The following FHIT variants were observed in gnomAD, a reference collection of about 807,000 sequenced individuals.
FHIT encodes fragile histidine triad diadenosine triphosphatase, also known as bis(5'-adenosyl)-triphosphatase.
FHIT carries 19 observed loss-of-function variants against 17.9 expected under a neutral mutation model. The observed-to-expected ratio is 1.06, with a 90% confidence interval of 0.74 to 1.56. The LOEUF (loss-of-function observed/expected upper bound fraction) is 1.56. Ranked by LOEUF, FHIT falls within the 40% of genes most tolerant of loss-of-function variation. The pLI, the probability that FHIT is intolerant of heterozygous loss-of-function variation, is 0.00. For missense variants in FHIT, 248 were observed against 189.2 expected (o/e 1.31, Z -1.82); for synonymous variants, 81 against 69.7 (o/e 1.16, Z -0.81).
intron 4 of FHIT, among the ~76,000 whole-genome samples, chr3:60,821,593 G>A (rs1293448713): frequency 6.6e-6 from 1 of 152,084 alleles, no homozygotes; most frequent in Non-Finnish European, 1.5e-5. Flanking sequence ...GTAACTGCTG[G>A]GGGGAGGATA....
At chr3:60,752,817 A>G (rs1409577405) in intron 4 of FHIT, among the ~76,000 whole-genome samples, 1 of 152,220 alleles carries the variant, frequency 6.6e-6, no homozygotes, top group Non-Finnish European at 1.5e-5. Flanking sequence ...CAGATCCCAC[A>G]GAGAGTTTCA....
intron 5 of FHIT, among the ~76,000 whole-genome samples, chr3:60,126,728 T>C (rs1705568415): frequency 6.6e-6 from 1 of 152,178 alleles, no homozygotes; most frequent in African/African-American, 2.4e-5. Context: ...ACCTCAACAA[T>C]GTCCCTGCCA....
At chr3:60,560,802 G>GACACACACACACAC (rs71092614) in intron 4 of FHIT, among the ~76,000 whole-genome samples, 3 of 128,846 alleles carry the variant, frequency 2.3e-5, no homozygotes, top group African/African-American at 9.0e-5. Flanking sequence ...GATGTAAGGA[G>GACACACACACACAC]ACACACACAC....
chr3:60,078,546 A>T (rs554602177), intron 5 of FHIT, among the ~76,000 whole-genome samples: 1 of 152,144 alleles, frequency 6.6e-6, no homozygotes. Flanking sequence ...ACTAAACACA[A>T]TGTGTGATCC....
intron 2 of FHIT, among the ~76,000 whole-genome samples, chr3:61,178,311 G>A (rs982163977): frequency 1.3e-5 from 2 of 151,898 alleles, no homozygotes; most frequent in African/African-American, 2.4e-5. Flanking sequence ...GGCTTATCAA[G>A]GCTAAAGAAT....
intron 2 of FHIT, among the ~76,000 whole-genome samples, chr3:61,065,877 C>T (rs1559954842): frequency 6.6e-6 from 1 of 152,114 alleles, no homozygotes; most frequent in South Asian, 2.1e-4. Flanking sequence ...GACCTAGATG[C>T]CTTCAACTTA....
chr3:60,255,983 T>C (rs1475597973), intron 5 of FHIT, among the ~76,000 whole-genome samples: 1 of 152,142 alleles, frequency 6.6e-6, no homozygotes, highest in African/African-American at 2.4e-5. Context: ...GTAAACTGGG[T>C]CGGCTTGCAA....
chr3:61,033,651 T>C (rs188776653), intron 3 of FHIT, among the ~76,000 whole-genome samples: 2 of 152,308 alleles, frequency 1.3e-5, no homozygotes, highest in Admixed American at 1.3e-4. Flanking sequence ...GACTCCAGTA[T>C]GTATACAGAC....
chr3:60,635,905 C>T (rs2039572140), intron 4 of FHIT, among the ~76,000 whole-genome samples: 1 of 152,070 alleles, frequency 6.6e-6, no homozygotes, highest in South Asian at 2.1e-4. Context: ...ACTTTAAATA[C>T]ATAAATCTAT....
chr3:60,739,780 G>C (rs1251684140), intron 4 of FHIT, among the ~76,000 whole-genome samples: 1 of 152,108 alleles, frequency 6.6e-6, no homozygotes, highest in African/African-American at 2.4e-5. Context: ...AAATTAATGA[G>C]CCATACACCC....
intron 7 of FHIT, among the ~76,000 whole-genome samples, chr3:59,929,100 C>T (rs1361581591): frequency 3.3e-5 from 5 of 150,054 alleles, no homozygotes; most frequent in African/African-American, 9.8e-5. Flanking sequence ...TAAAATGGTA[C>T]GGCTGCTTTA....
intron 5 of FHIT, among the ~76,000 whole-genome samples, chr3:60,147,382 G>A (rs952486859): frequency 1.3e-5 from 2 of 152,168 alleles, no homozygotes; most frequent in Non-Finnish European, 2.9e-5. Context: ...GACTGCAGCA[G>A]CTCTGGGTTT....
intron 4 of FHIT, among the ~76,000 whole-genome samples, chr3:60,670,885 T>C (rs1377730989): frequency 6.6e-6 from 1 of 152,178 alleles, no homozygotes; most frequent in Non-Finnish European, 1.5e-5. Context: ...TCATAATTAG[T>C]TGGTAATTAA....
At chr3:60,913,919 C>T (rs368616717) in intron 3 of FHIT, among the ~76,000 whole-genome samples, 23 of 152,170 alleles carry the variant, frequency 1.5e-4, no homozygotes, top group African/African-American at 5.1e-4. Context: ...GTGAAGTCAG[C>T]CATCTTAAAG....
intron 8 of FHIT, among the ~76,000 whole-genome samples, chr3:59,793,576 T>C (rs1361611464): frequency 6.6e-6 from 1 of 152,158 alleles, no homozygotes; most frequent in East Asian, 1.9e-4. Context: ...CCTCTCGCAC[T>C]GCCTCCCCAG....
intron 7 of FHIT, among the ~76,000 whole-genome samples, chr3:59,948,780 T>A (rs1706964653): frequency 6.6e-6 from 1 of 152,180 alleles, no homozygotes; most frequent in African/African-American, 2.4e-5. Context: ...CAATGAAATG[T>A]CTATTTATGT....
chr3:60,300,977 A>G (rs954565832), intron 5 of FHIT, among the ~76,000 whole-genome samples: 3 of 151,932 alleles, frequency 2.0e-5, no homozygotes, highest in African/African-American at 7.3e-5. Context: ...TCATCTCTAA[A>G]AAGCAGCTAG....
At chr3:60,223,608 C>G (rs1163021242) in intron 5 of FHIT, among the ~76,000 whole-genome samples, 1 of 152,138 alleles carries the variant, frequency 6.6e-6, no homozygotes, top group African/African-American at 2.4e-5. Context: ...TTTCATTACT[C>G]AGTGATTTTT....
intron 8 of FHIT, among the ~76,000 whole-genome samples, chr3:59,814,824 T>G (rs1354886480): frequency 1.3e-5 from 2 of 152,194 alleles, no homozygotes; most frequent in African/African-American, 4.8e-5. Flanking sequence ...GTAGTTCCCT[T>G]TGCTGACTCT....
Sources: allele counts gnomAD v4.1 joint callset (sites outside exome capture counted in the v4.1 genomes callset), GRCh38; gene constraint gnomAD v4.1.1; transcripts MANE v1.5; gene names NCBI Gene and HGNC (gene_info 2026-07-23, HGNC 2026-07-21).